The following CTNNA3 variants were observed in gnomAD, a reference collection of about 807,000 sequenced individuals.
CTNNA3 encodes catenin alpha 3.
A neutral mutation model predicts 95.7 loss-of-function variants in CTNNA3; 76 were observed. The ratio of observed to expected loss-of-function variants is 0.79; its 90% confidence interval spans 0.66 to 0.96. The LOEUF (loss-of-function observed/expected upper bound fraction) is 0.96, where lower values mean the gene tolerates loss of function less well. Among genes scored for constraint, CTNNA3 ranks in the 40% least tolerant of loss-of-function variants. The pLI, the probability that CTNNA3 is intolerant of heterozygous loss-of-function variation, is 0.00. For missense variants in CTNNA3, 1,191 were observed against 1,089.8 expected, an observed-to-expected ratio of 1.09 and a Z score of -1.31; for synonymous variants, 431 against 374.4, an observed-to-expected ratio of 1.15 and a Z score of -1.74.
chr10:66,813,080 A>C (rs535350654), intron 7 of CTNNA3, among the ~76,000 whole-genome samples: 6 of 152,290 alleles, frequency 3.9e-5, no homozygotes, highest in African/African-American at 1.4e-4. Flanking sequence ...ACTGGCTATT[A>C]CAAATTTTGT....
At chr10:66,749,272 A>C (rs553373467) in intron 9 of CTNNA3, among the ~76,000 whole-genome samples, 4 of 151,528 alleles carry the variant, frequency 2.6e-5, no homozygotes, top group African/African-American at 9.7e-5. Context: ...GGTGTTGTAC[A>C]TTGCATGCGG....
chr10:66,637,687 A>G (rs10762080), intron 9 of CTNNA3, among the ~76,000 whole-genome samples: 101,509 of 152,096 alleles, frequency 0.67, 34,851 homozygotes, highest in East Asian at 0.95. Flanking sequence ...TTTCTCACCT[A>G]TGAGATGGTA....
chr10:67,688,181 G>C lies in CTNNA3; in HGVS notation c.-6+7819C>G, dbSNP rs189894107. The stretch of plus-strand genomic sequence containing the variant: ...CTGAAAACTTCCCCAGATCTGCCTT[G>C]ATCTGCTTTAAATCAGAGAGGGAGA... On this transcript the variant is annotated intron_variant, in intron 1 of 17. Coordinates refer to ENST00000433211, the MANE Select transcript of CTNNA3 (RefSeq NM_013266.4). Among the ~76,000 whole-genome samples, 493 of 152,274 alleles carry C rather than the reference G, an allele frequency of 3.2e-3. 2 individuals are homozygous for C. Among genetic ancestry groups the C allele is most frequent in the Admixed American group, 6.9e-3 (105 of 15,300 alleles).
chr10:67,092,311 T>G (rs1357405096), intron 7 of CTNNA3, among the ~76,000 whole-genome samples: 1 of 151,948 alleles, frequency 6.6e-6, no homozygotes, highest in Non-Finnish European at 1.5e-5. Flanking sequence ...AGTAGAGATA[T>G]TTATACATAC....
chr10:67,564,512 A>G (rs1841673588), intron 3 of CTNNA3, among the ~76,000 whole-genome samples: 1 of 116,836 alleles, frequency 8.6e-6, no homozygotes, highest in African/African-American at 3.3e-5. Flanking sequence ...GGGAGGGGGG[A>G]TGGATAGCAC....
chr10:66,065,108 T>C (rs1392086259), intron 15 of CTNNA3, among the ~76,000 whole-genome samples: 1 of 152,154 alleles, frequency 6.6e-6, no homozygotes, highest in Non-Finnish European at 1.5e-5. Context: ...GAAACTGATG[T>C]ACAGACTAGT....
At chr10:66,627,922 G>GA (rs1031702473) in intron 9 of CTNNA3, among the ~76,000 whole-genome samples, 7 of 152,022 alleles carry the variant, frequency 4.6e-5, no homozygotes, top group African/African-American at 1.7e-4. Context: ...CATACTCTTT[G>GA]AAAATCATAC....
chr10:67,562,475 G>C (rs1004943915), intron 3 of CTNNA3, among the ~76,000 whole-genome samples: 3 of 152,072 alleles, frequency 2.0e-5, no homozygotes, highest in African/African-American at 4.8e-5. Context: ...ATTAAGTATT[G>C]ATGGGACATA....
At chr10:67,199,909 C>G (rs1863563636) in intron 6 of CTNNA3, among the ~76,000 whole-genome samples, 1 of 151,758 alleles carries the variant, frequency 6.6e-6, no homozygotes, top group Non-Finnish European at 1.5e-5. Flanking sequence ...AATCCCATCA[C>G]TGAACACCGC....
intron 7 of CTNNA3, among the ~76,000 whole-genome samples, chr10:66,777,814 C>CAT (rs1840374487): frequency 6.6e-6 from 1 of 151,178 alleles, no homozygotes; most frequent in Non-Finnish European, 1.5e-5. Context: ...CACACACACA[C>CAT]ACACACAGTA....
At chr10:65,932,787 T>A (rs2077274747) in intron 17 of CTNNA3, among the ~76,000 whole-genome samples, 1 of 152,164 alleles carries the variant, frequency 6.6e-6, no homozygotes, top group South Asian at 2.1e-4. Flanking sequence ...GGAGTCTTTT[T>A]AAAATTTTTT....
chr10:67,456,150 A>T (rs1847165966), intron 5 of CTNNA3, among the ~76,000 whole-genome samples: 1 of 152,160 alleles, frequency 6.6e-6, no homozygotes, highest in Non-Finnish European at 1.5e-5. Context: ...AGAGAATTAG[A>T]TCCTAAACTA....
intron 16 of CTNNA3, among the ~76,000 whole-genome samples, chr10:65,975,185 C>A (rs2078187359): frequency 6.6e-6 from 1 of 152,106 alleles, no homozygotes; most frequent in Non-Finnish European, 1.5e-5. Flanking sequence ...GAAATACTAT[C>A]AATCTGCAAG....
rs1487372076 is a variant in CTNNA3 at position 67,388,989 on chromosome 10, G to A, written c.579+132853C>T. 4.6e-5 allele frequency among the ~76,000 whole-genome samples: 7 copies of A among 152,148 alleles called. No individual in the cohort carries two copies. In the East Asian group the frequency reaches 1.2e-3, roughly 25 times the overall value. On this transcript the variant is annotated intron_variant, in intron 5 of 17. Transcript: ENST00000433211. ...ATGTAAAGACCATCAAGACTAGGAA[G>A]AAACTGCATCAACTAACGAGCAAAA...
intron 5 of CTNNA3, among the ~76,000 whole-genome samples, chr10:67,387,967 G>A (rs554685592): frequency 1.3e-5 from 2 of 151,966 alleles, no homozygotes; most frequent in Admixed American, 6.6e-5. Context: ...GGAAAAAACA[G>A]AACAGAAAAA....
chr10:66,237,654 T>C (rs920036257), intron 13 of CTNNA3, among the ~76,000 whole-genome samples: 1 of 152,082 alleles, frequency 6.6e-6, no homozygotes, highest in African/African-American at 2.4e-5. Flanking sequence ...CTTTTAGGGC[T>C]ACGTAAGACT....
intron 15 of CTNNA3, among the ~76,000 whole-genome samples, chr10:66,014,648 G>T (rs2079060782): frequency 1.3e-5 from 2 of 152,054 alleles, no homozygotes; most frequent in Admixed American, 1.3e-4. Context: ...TTTCCACTGT[G>T]ATAACCGCTA....
chr10:67,258,710 A>T (rs984345817), intron 5 of CTNNA3, among the ~76,000 whole-genome samples: 1 of 152,220 alleles, frequency 6.6e-6, no homozygotes, highest in Admixed American at 6.5e-5. Flanking sequence ...CTTAAAAATT[A>T]GTCACTTTCT....
At chr10:66,572,259 T>C (rs967426137) in intron 10 of CTNNA3, among the ~76,000 whole-genome samples, 1 of 151,578 alleles carries the variant, frequency 6.6e-6, no homozygotes, top group Admixed American at 6.6e-5. Flanking sequence ...GGCACGTGCC[T>C]GTAATCCCAT....
Sources: allele counts gnomAD v4.1 joint callset (sites outside exome capture counted in the v4.1 genomes callset), GRCh38; gene constraint gnomAD v4.1.1; transcripts MANE v1.5; gene names NCBI Gene and HGNC (gene_info 2026-07-23, HGNC 2026-07-21).